Variants in MLLT10 observed in about 807,000 individuals in gnomAD.
The protein encoded by MLLT10 is MLLT10 histone lysine methyltransferase DOT1L cofactor, also known as protein AF-10.
Under a neutral mutation model 129.1 loss-of-function variants are expected in MLLT10, and 30 were observed. That is an observed-to-expected ratio of 0.23 (90% CI 0.17 to 0.32). The LOEUF is 0.32. Among genes scored for constraint, MLLT10 ranks in the 10% least tolerant of loss-of-function variants. The pLI is 1.00. For synonymous variants in MLLT10, 490 were observed against 446.4 expected (o/e 1.10, Z -1.23); for missense variants, 1,119 against 1,268.3 (o/e 0.88, Z 1.79).
chr10:21,675,325 A>G (rs1455755212), intron 11 of MLLT10, among the ~76,000 whole-genome samples: 4 of 152,202 alleles, frequency 2.6e-5, no homozygotes, highest in Admixed American at 2.6e-4. Flanking sequence ...TGTGTATTGC[A>G]GGATATTTAC....
At chr10:21,545,334 G>T (rs1002396083) in intron 3 of MLLT10, among the ~76,000 whole-genome samples, 3 of 151,782 alleles carry the variant, frequency 2.0e-5, no homozygotes, top group African/African-American at 7.3e-5. Flanking sequence ...GTCAGGAAAA[G>T]AACCTAAAAA....
chr10:21,537,455 C>T (rs1564361840), intron 2 of MLLT10, among the ~76,000 whole-genome samples: 1 of 151,668 alleles, frequency 6.6e-6, no homozygotes, highest in Non-Finnish European at 1.5e-5. Context: ...TACCACCACA[C>T]CTGGCTAATT....
intron 2 of MLLT10, among the ~76,000 whole-genome samples, chr10:21,536,774 C>T (rs2034100801): frequency 6.6e-6 from 1 of 151,760 alleles, no homozygotes; most frequent in South Asian, 2.1e-4. Flanking sequence ...ACCAGGTTGC[C>T]CAGGTTGGTC....
At chr10:21,724,594 A>G (rs187103411) in intron 14 of MLLT10, among the ~76,000 whole-genome samples, 1 of 152,374 alleles carries the variant, frequency 6.6e-6, no homozygotes, top group East Asian at 1.9e-4. Flanking sequence ...TTCATTCATG[A>G]AAAAGAAGAA....
intron 9 of MLLT10, among the ~76,000 whole-genome samples, chr10:21,653,980 A>G (rs560342746): frequency 6.6e-6 from 1 of 152,374 alleles, no homozygotes; most frequent in East Asian, 1.9e-4. Flanking sequence ...TACAACCGAC[A>G]AAGGAGACTG....
intron 8 of MLLT10, among the ~76,000 whole-genome samples, chr10:21,647,857 A>G (rs890531605): frequency 2.6e-5 from 4 of 151,672 alleles, no homozygotes; most frequent in African/African-American, 9.7e-5. Context: ...TGCATAGCTA[A>G]GTCTGTGTTT....
intron 5 of MLLT10, among the ~76,000 whole-genome samples, chr10:21,606,783 T>G (rs1358183261): frequency 1.3e-5 from 2 of 152,244 alleles, no homozygotes; most frequent in Non-Finnish European, 2.9e-5. Flanking sequence ...GTGTAAACAT[T>G]GTTGAAATGA....
intron 13 of MLLT10, among the ~76,000 whole-genome samples, chr10:21,694,604 C>T (rs1000951464): frequency 6.6e-6 from 1 of 152,142 alleles, no homozygotes; most frequent in African/African-American, 2.4e-5. Flanking sequence ...GAAAATTGTT[C>T]AGGTTAGCCA....
In MLLT10 at chr10:21,726,314, C is replaced by T. The variant is rs747967921; in HGVS notation, c.1949C>T (p.Ser650Leu). 2.5e-6 allele frequency: 4 copies of T among 1,613,104 alleles called. No homozygotes were observed. The highest frequency in any genetic ancestry group is 3.4e-6 in the Non-Finnish European group (4 of 1,179,312). ...SHMYGNRSNS[S>L]MAALIAQSEN... ...ATGTATGGCAATAGATCAAATTCAT[C>T]AATGGCAGCTCTTATAGCTCAGTCT... The change falls in exon 15 of 23, where the codon TCA becomes TTA. Residue 650 changes from serine to leucine, a missense_variant. By Grantham distance (145) the Ser-to-Leu change is moderately radical. This residue lies in a region of MLLT10 where 1,004 missense variants were observed against 1,008.7 expected (regional missense o/e 1.00). Transcript: ENST00000307729.
At chr10:21,592,113 A>G (rs1368034812) in intron 4 of MLLT10, among the ~76,000 whole-genome samples, 1 of 152,212 alleles carries the variant, frequency 6.6e-6, no homozygotes, top group African/African-American at 2.4e-5. Flanking sequence ...TTTATAGGAA[A>G]GCTACATACA....
chr10:21,537,221 A>G (rs905895940), intron 2 of MLLT10, among the ~76,000 whole-genome samples: 1 of 152,076 alleles, frequency 6.6e-6, no homozygotes, highest in Non-Finnish European at 1.5e-5. Context: ...TGGAGTTTTA[A>G]AAAGTTATAC....
intron 8 of MLLT10, among the ~76,000 whole-genome samples, chr10:21,649,739 G>T (rs1388185633): frequency 2.0e-5 from 3 of 152,166 alleles, no homozygotes; most frequent in African/African-American, 7.2e-5. Flanking sequence ...AACTGAGGTG[G>T]CAGAGGTGGA....
chr10:21,682,769 T>C (rs989608154), intron 13 of MLLT10, among the ~76,000 whole-genome samples: 2 of 152,186 alleles, frequency 1.3e-5, no homozygotes, highest in African/African-American at 4.8e-5. Flanking sequence ...TTTTGCTGCA[T>C]TGGGTTCTGA....
intron 11 of MLLT10, among the ~76,000 whole-genome samples, chr10:21,675,332 T>G (rs1000913991): frequency 2.0e-5 from 3 of 152,174 alleles, no homozygotes; most frequent in African/African-American, 7.2e-5. Context: ...TGCAGGATAT[T>G]TACCAGAATC....
At chr10:21,647,744 TTTC>T (rs1285850382) in intron 8 of MLLT10, among the ~76,000 whole-genome samples, 5 of 152,080 alleles carry the variant, frequency 3.3e-5, no homozygotes, top group African/African-American at 1.2e-4. Flanking sequence ...GCATATGTAT[TTTC>T]TTATTTATTA....
chr10:21,557,197 G>T, intron 3 of MLLT10: 1 of 1,263,892 alleles, frequency 7.9e-7, no homozygotes, highest in South Asian at 2.2e-5. Flanking sequence ...TGCCTACTGT[G>T]TTGTTATTTT....
At chr10:21,603,207 C>A (rs376825912) in intron 5 of MLLT10, among the ~76,000 whole-genome samples, 23 of 150,928 alleles carry the variant, frequency 1.5e-4, no homozygotes, top group Non-Finnish European at 8.9e-5. Context: ...TGTCCACCAC[C>A]GTGCTCGGCT....
chr10:21,712,367 C>G (rs976275008), intron 13 of MLLT10, among the ~76,000 whole-genome samples: 1 of 152,126 alleles, frequency 6.6e-6, no homozygotes, highest in African/African-American at 2.4e-5. Flanking sequence ...GCATGTGCCA[C>G]CATGCCTGGC....
intron 9 of MLLT10, among the ~76,000 whole-genome samples, chr10:21,655,879 A>G (rs2049528629): frequency 6.6e-6 from 1 of 152,134 alleles, no homozygotes; most frequent in Non-Finnish European, 1.5e-5. Flanking sequence ...GATGGGGTAC[A>G]TTGCACCTTG....
Sources: allele counts gnomAD v4.1 joint callset (sites outside exome capture counted in the v4.1 genomes callset), GRCh38; gene constraint gnomAD v4.1.1; regional missense constraint gnomAD v4.1.1; transcripts MANE v1.5; gene names NCBI Gene and HGNC (gene_info 2026-07-23, HGNC 2026-07-21).